Variants in RSU1 observed in about 807,000 individuals in gnomAD.
RSU1 encodes the protein rsu-1.
A neutral mutation model predicts 31.1 loss-of-function variants in RSU1; 26 were observed. The ratio of observed to expected loss-of-function variants is 0.84; its 90% CI spans 0.61 to 1.16. The LOEUF (loss-of-function observed/expected upper bound fraction) is 1.16. Ranked by LOEUF, RSU1 falls within the 50% of genes most tolerant of loss-of-function variation. The pLI is 0.00. For missense variants in RSU1, 320 were observed against 339.1 expected, an observed-to-expected ratio of 0.94 and a Z score of 0.44; for synonymous variants, 164 against 136.3, an observed-to-expected ratio of 1.20 and a Z score of -1.41.
chr10:16,704,274 G>A (rs920336564), intron 7 of RSU1, among the ~76,000 whole-genome samples: 3 of 152,104 alleles, frequency 2.0e-5, no homozygotes, highest in Non-Finnish European at 4.4e-5. Flanking sequence ...CATGTACCAT[G>A]TACCAGGTGT....
chr10:16,685,612 A>C (rs1334886252), intron 8 of RSU1, among the ~76,000 whole-genome samples: 1 of 149,042 alleles, frequency 6.7e-6, no homozygotes, highest in African/African-American at 2.6e-5. Context: ...AGTGAGGACG[A>C]CCAGAGGTTA....
rs114014792 is a variant in RSU1 at position 16,606,776 on chromosome 10, G to C, written c.732-13280C>G. On this transcript the variant is annotated intron_variant, in intron 8 of 8. Transcript: ENST00000345264. Reference sequence around the variant, plus strand: ...ATGAAAAGGAATGCCAGTATCTAGAGAGAAGCCTTTGCTTTCTCTTGTTTT... The same window carrying C: ...ATGAAAAGGAATGCCAGTATCTAGACAGAAGCCTTTGCTTTCTCTTGTTTT... 4.0e-3 allele frequency among the ~76,000 whole-genome samples: 607 copies of C among 152,332 alleles called. 3 individuals are homozygous for C. The highest frequency in any genetic ancestry group is 0.014 in the African/African-American group (573 of 41,566).
At chr10:16,775,905 C>T (rs1419450395) in intron 3 of RSU1, among the ~76,000 whole-genome samples, 8 of 152,300 alleles carry the variant, frequency 5.3e-5, no homozygotes, top group African/African-American at 1.9e-4. Flanking sequence ...AACACATTTA[C>T]ACTCTGTTAA....
intron 3 of RSU1, among the ~76,000 whole-genome samples, chr10:16,768,657 C>T (rs1837367404): frequency 6.6e-6 from 1 of 152,208 alleles, no homozygotes; most frequent in Non-Finnish European, 1.5e-5. Flanking sequence ...TTCTTCTGGA[C>T]TTTGCAGCAG....
intron 7 of RSU1, among the ~76,000 whole-genome samples, chr10:16,713,338 C>T (rs1044137937): frequency 6.6e-6 from 1 of 152,192 alleles, no homozygotes; most frequent in Non-Finnish European, 1.5e-5. Context: ...ATAATGCACA[C>T]ATTTGTTCAT....
intron 3 of RSU1, among the ~76,000 whole-genome samples, chr10:16,768,322 T>C (rs2131634977): frequency 6.6e-6 from 1 of 152,346 alleles, no homozygotes; most frequent in South Asian, 2.1e-4. Context: ...AGATGGATTA[T>C]GAAAATCAAT....
intron 2 of RSU1, among the ~76,000 whole-genome samples, chr10:16,789,520 T>G (rs1478389980): frequency 6.6e-6 from 1 of 152,176 alleles, no homozygotes; most frequent in East Asian, 1.9e-4. Context: ...GTCACTCCTT[T>G]CCACTCGGGA....
chr10:16,759,110 T>C (rs1837155288), intron 4 of RSU1, among the ~76,000 whole-genome samples: 1 of 152,196 alleles, frequency 6.6e-6, no homozygotes, highest in African/African-American at 2.4e-5. Flanking sequence ...CAGGTTGTCC[T>C]GAGCACCTCC....
At chr10:16,701,647 A>C (rs1835797475) in intron 7 of RSU1, among the ~76,000 whole-genome samples, 1 of 152,104 alleles carries the variant, frequency 6.6e-6, no homozygotes, top group African/African-American at 2.4e-5. Flanking sequence ...AAGATTTAAA[A>C]AGAGAAAACC....
chr10:16,740,911 C>A (rs1836736897), intron 7 of RSU1, among the ~76,000 whole-genome samples: 1 of 152,130 alleles, frequency 6.6e-6, no homozygotes, highest in African/African-American at 2.4e-5. Flanking sequence ...AAATTCGGTG[C>A]AATTTCTACC....
chr10:16,757,935 C>T (rs143145147), intron 4 of RSU1, among the ~76,000 whole-genome samples: 3,568 of 152,300 alleles, frequency 0.023, 138 homozygotes, highest in African/African-American at 0.074. Context: ...CACGGTTAGA[C>T]AGGCTTAGAG....
In RSU1 at chr10:16,667,055, A is replaced by AC. The variant is rs1554765067; in HGVS notation, c.731+27967_731+27968insG. Among the ~76,000 whole-genome samples, 14 of 151,760 alleles carry AC rather than the reference A, an allele frequency of 9.2e-5. No individual in the cohort carries two copies. In the East Asian group the frequency reaches 1.6e-3, roughly 17 times the overall value. Reference sequence around the variant, plus strand: ...AACAACAACAACAACAACAACAACAAAAAACAAAGAAAAAAACAAGTTATC... The same window carrying AC: ...AACAACAACAACAACAACAACAACAACAAAACAAAGAAAAAAACAAGTTATC... On this transcript the variant is annotated intron_variant, in intron 8 of 8. Transcript: ENST00000345264.
intron 7 of RSU1, among the ~76,000 whole-genome samples, chr10:16,718,332 A>G (rs1836186418): frequency 6.6e-6 from 1 of 152,234 alleles, no homozygotes; most frequent in African/African-American, 2.4e-5. Context: ...ATTTATACTC[A>G]GTAGCAAGAA....
chr10:16,815,873 G>T (rs1483922692), intron 2 of RSU1, among the ~76,000 whole-genome samples: 1 of 152,148 alleles, frequency 6.6e-6, no homozygotes, highest in Non-Finnish European at 1.5e-5. Context: ...AGGGAAAACA[G>T]AATTTGTAAA....
intron 4 of RSU1, among the ~76,000 whole-genome samples, chr10:16,756,039 T>C (rs1322390344): frequency 2.0e-5 from 3 of 152,230 alleles, no homozygotes; most frequent in Non-Finnish European, 4.4e-5. Context: ...TCTCAAAATA[T>C]ACACATGAAG....
chr10:16,726,647 C>G (rs773008220), intron 7 of RSU1, among the ~76,000 whole-genome samples: 2 of 152,122 alleles, frequency 1.3e-5, no homozygotes, highest in African/African-American at 4.8e-5. Flanking sequence ...ATGTTTTTAG[C>G]TTTCTGAATG....
rs952454612 is a variant in RSU1, at chr10:16,754,785, T to C, written c.400+86A>G. 2.3e-5 allele frequency: 18 copies of C among 788,276 alleles called. No individual in the cohort carries two copies. The African/African-American group carries it at 2.8e-4, about 12-fold the overall frequency. The allele number at this position is 788,276 out of a possible 1,614,324, so 48.8% of individuals were successfully genotyped here. On this transcript the variant is annotated intron_variant, in intron 5 of 8. Transcript: ENST00000345264. ...ATTATCTCTGTCCAATAATTTCTCT[T>C]GGAGTTTGGGTCCTGGCAAATAAAT... is the stretch of plus-strand genomic sequence containing the variant.
intron 7 of RSU1, among the ~76,000 whole-genome samples, chr10:16,711,430 T>C (rs997330243): frequency 2.8e-4 from 43 of 152,182 alleles, no homozygotes; most frequent in Non-Finnish European, 5.9e-4. Context: ...TCTATCAATT[T>C]TGGGTTCAGT....
chr10:16,688,517 G>C (rs943142744), intron 8 of RSU1, among the ~76,000 whole-genome samples: 1 of 152,186 alleles, frequency 6.6e-6, no homozygotes, highest in Admixed American at 6.5e-5. Context: ...GCTGAGGCAG[G>C]AGAATGGCGT....
Sources: gnomAD v4.1 joint callset for allele counts (sites outside exome capture counted in the v4.1 genomes callset) on GRCh38, gnomAD v4.1.1 for gene constraint, MANE v1.5 for transcripts, NCBI Gene and HGNC (gene_info 2026-07-23, HGNC 2026-07-21) for gene names.